The following DNAH17 variants were observed in gnomAD, a reference collection of about 807,000 sequenced individuals.
DNAH17 encodes the protein axonemal beta dynein heavy chain 17.
In DNAH17, 376 loss-of-function variants were observed where a neutral mutation model predicts 485.6. The observed-to-expected ratio is 0.77, with a 90% CI of 0.71 to 0.84. DNAH17 has a LOEUF of 0.84. Among genes scored for constraint, DNAH17 ranks in the 40% least tolerant of loss-of-function variants. The pLI, the probability that DNAH17 is intolerant of heterozygous loss-of-function variation, is 0.00. For synonymous variants in DNAH17, 3,031 were observed against 2,405.9 expected, an observed-to-expected ratio of 1.26 and a Z score of -7.60; for missense variants, 6,370 against 5,839.3, an observed-to-expected ratio of 1.09 and a Z score of -2.96.
At chr17:78,444,842 G>A (rs747643416) in intron 70 of DNAH17, 45 bp from the exon 71 acceptor site, 98 of 1,522,092 alleles carry the variant, frequency 6.4e-5, no homozygotes, top group Non-Finnish European at 7.7e-5. Context: ...CCACTTACCC[G>A]GGTCCCGAGA....
intron 31 of DNAH17, among the ~76,000 whole-genome samples, chr17:78,504,552 T>TA (rs1053192518): frequency 6.6e-6 from 1 of 150,922 alleles, no homozygotes; most frequent in African/African-American, 2.4e-5. Context: ...ACCTCAGGTT[T>TA]TCTCGAGATT....
At chr17:78,521,699 A>G (rs2090938446) in intron 25 of DNAH17, among the ~76,000 whole-genome samples, 1 of 152,100 alleles carries the variant, frequency 6.6e-6, no homozygotes, top group African/African-American at 2.4e-5. Context: ...AGATTATACT[A>G]AAACTGGCCG....
At chr17:78,484,742 C>CCCCGGCCG in intron 48 of DNAH17, 126 bp downstream of exon 48, 1 of 322,918 alleles carries the variant, frequency 3.1e-6, no homozygotes, top group African/African-American at 2.6e-5. Context: ...TTGCAGCACC[C>CCCCGGCCG]CCCCCACCGC....
chr17:78,450,605 G>A, intron 67 of DNAH17, 77 bp downstream of exon 67: 1 of 1,525,346 alleles, frequency 6.6e-7, no homozygotes. Flanking sequence ...CTTTCTCATG[G>A]TAGGGAGGCG....
intron 54 of DNAH17, among the ~76,000 whole-genome samples, chr17:78,473,329 G>A (rs2088853963): frequency 6.6e-6 from 1 of 152,084 alleles, no homozygotes; most frequent in South Asian, 2.1e-4. Context: ...CAGATCACGA[G>A]GTCAGGAGAT....
chr17:78,431,223 T>G (rs1217210283), intron 75 of DNAH17, among the ~76,000 whole-genome samples: 1 of 152,172 alleles, frequency 6.6e-6, no homozygotes, highest in Admixed American at 6.5e-5. Flanking sequence ...TTTTCCACAT[T>G]ATCATTAGCG....
At chr17:78,465,235 A>C (rs1267975020) in intron 56 of DNAH17, among the ~76,000 whole-genome samples, 2 of 151,942 alleles carry the variant, frequency 1.3e-5, no homozygotes, top group African/African-American at 4.8e-5. Context: ...CTCAGTGCTC[A>C]ATGGTGCCCA....
intron 47 of DNAH17, 33 bp downstream of exon 47, chr17:78,485,517 C>G: frequency 6.5e-7 from 1 of 1,532,150 alleles, no homozygotes; most frequent in Non-Finnish European, 8.8e-7. Context: ...GGGGGGCAGC[C>G]GGGTAGGCAG....
intron 44 of DNAH17, among the ~76,000 whole-genome samples, chr17:78,488,405 C>A (rs2146659106): frequency 6.6e-6 from 1 of 152,324 alleles, no homozygotes; most frequent in African/African-American, 2.4e-5. Context: ...TCTCCTCCTC[C>A]TGCTTCCTCC....
At position 78,466,823 on chromosome 17, in the gene DNAH17, G is replaced by A. The variant is rs2146557831; in HGVS notation, c.8779-7C>T. 2 of 1,572,384 alleles carry A rather than the reference G, an allele frequency of 1.3e-6. No individual in the cohort carries two copies. The highest frequency in any genetic ancestry group is 1.2e-5 in the South Asian group (1 of 85,278). ...GGGAGAAACACAGGATCACCTGGGTGTGGGAGACACAGATGCGCTGCCTAC... is the reference window on the plus strand; with the variant it reads ...GGGAGAAACACAGGATCACCTGGGTATGGGAGACACAGATGCGCTGCCTAC... On this transcript the variant is annotated splice_polypyrimidine_tract_variant and splice_region_variant and intron_variant, in intron 55 of 80. Transcript: ENST00000389840.
chr17:78,445,756 C>T (rs574716090), intron 69 of DNAH17, 76 bp from the exon 70 acceptor site: 34 of 1,505,102 alleles, frequency 2.3e-5, no homozygotes, highest in African/African-American at 9.7e-5. Flanking sequence ...GCGCTGGACT[C>T]GAAGAGGAGT....
At chr17:78,525,560 T>C (rs553903521) in intron 24 of DNAH17, among the ~76,000 whole-genome samples, 5 of 152,258 alleles carry the variant, frequency 3.3e-5, no homozygotes, top group African/African-American at 4.8e-5. Flanking sequence ...AAATCCGTAG[T>C]GTCCTCTCAA....
intron 1 of DNAH17, among the ~76,000 whole-genome samples, chr17:78,575,844 A>G (rs2092426307): frequency 6.6e-6 from 1 of 152,256 alleles, no homozygotes; most frequent in African/African-American, 2.4e-5. Context: ...AAGGCATGTC[A>G]ATATTTTTAA....
intron 25 of DNAH17, among the ~76,000 whole-genome samples, chr17:78,523,891 A>G (rs1374674329): frequency 6.6e-6 from 1 of 152,256 alleles, no homozygotes; most frequent in Non-Finnish European, 1.5e-5. Flanking sequence ...CCTGGGCAAC[A>G]GAGCAGGACC....
At chr17:78,438,898 C>G (rs929950379) in intron 73 of DNAH17, among the ~76,000 whole-genome samples, 192 bp downstream of exon 73, 1 of 152,306 alleles carries the variant, frequency 6.6e-6, no homozygotes, top group Admixed American at 6.5e-5. Context: ...GCAGTCATGG[C>G]GTGCCACACC....
At chr17:78,568,261 G>T (rs79687113) in intron 9 of DNAH17, among the ~76,000 whole-genome samples, 1,670 of 152,108 alleles carry the variant, frequency 0.011, 38 homozygotes, top group African/African-American at 0.037. Flanking sequence ...CCACATTCTC[G>T]GTCTGGGAGA....
rs2092379057 is a variant in DNAH17, at chr17:78,572,804, T to C, written c.436A>G (p.Lys146Glu). ...EDIVKQVHRL[K>E]NEMFVMSGKI... is the part of the protein sequence containing the mutation. ...CCACTCATCACAAACATTTCATTCT[T>C]CAGCCTGTGGACCTGCTTCACGATG... Residue 146 changes from lysine to glutamate, a missense_variant, in exon 3 of 81, where the codon AAG (lysine) becomes GAG (glutamate). Lys to Glu is a moderately conservative substitution (Grantham distance 56). Transcript: ENST00000389840. The C allele has an allele frequency of 6.2e-7, 1 of 1,613,936 alleles. No homozygotes were observed. The highest frequency in any genetic ancestry group is 1.1e-5 in the South Asian group (1 of 91,074).
rs575427745 is a variant in DNAH17, at chr17:78,494,298, G to A, written c.6271-125C>T. 6.2e-4 allele frequency: 844 copies of A among 1,366,258 alleles called. 1 individual carries two copies. The highest frequency in any genetic ancestry group is 7.8e-4 in the Non-Finnish European group (793 of 1,021,968). 84.6% of individuals were successfully genotyped at this position (1,366,258 alleles called of 1,614,324 possible). A position where few individuals can be genotyped will look rare whatever the true frequency, so the allele number is the denominator to read the frequency against. Reference sequence around the variant, plus strand: ...AAGGCGCCCTTGCCCTCCGATGCACGTGCGTCTGCAAGTTCTGCTGTCAAT... The same window carrying A: ...AAGGCGCCCTTGCCCTCCGATGCACATGCGTCTGCAAGTTCTGCTGTCAAT... On this transcript the variant is annotated intron_variant, in intron 40 of 80. Coordinates refer to ENST00000389840, the MANE Select transcript of DNAH17 (RefSeq NM_173628.4).
Position 78,514,815 on chromosome 17 carries a change from T to C in DNAH17, c.4072A>G (p.Ile1358Val), listed in dbSNP as rs370259005. ...RAVSELQNPA[I>V]RERHWQQLMQ... ...AGCTGCTGCCAGTGGCGTTCCCGAA[T>C]GGCAGGGTTCTGCAGCTCGCTCACG... Residue 1358 changes from isoleucine to valine, a missense_variant, in exon 26 of 81, where the codon ATT becomes GTT. By Grantham distance (29) the Ile-to-Val change is conservative. Coordinates refer to ENST00000389840, the MANE Select transcript of DNAH17 (RefSeq NM_173628.4). 5 of 1,613,912 alleles carry C rather than the reference T, an allele frequency of 3.1e-6. No individual in the cohort carries two copies. Among genetic ancestry groups the C allele is most frequent in the Non-Finnish European group, 1.7e-6 (2 of 1,179,902 alleles).
Sources: allele counts gnomAD v4.1 joint callset (sites outside exome capture counted in the v4.1 genomes callset), GRCh38; gene constraint gnomAD v4.1.1; transcripts MANE v1.5; gene names NCBI Gene and HGNC (gene_info 2026-07-23, HGNC 2026-07-21).